Variants in ANKRD28 observed in about 807,000 individuals in gnomAD.
The protein encoded by ANKRD28 is ankyrin repeat domain 28.
In ANKRD28, 44 loss-of-function variants were observed where a neutral mutation model predicts 126.5. The observed-to-expected ratio is 0.35, with a 90% CI of 0.27 to 0.45. ANKRD28 has a LOEUF of 0.45. Among genes scored for constraint, ANKRD28 ranks in the 20% least tolerant of loss-of-function variants. ANKRD28 has a pLI of 1.00. For missense variants in ANKRD28, 1,110 were observed against 1,316.6 expected (o/e 0.84, Z 2.43); for synonymous variants, 442 against 468.5 (o/e 0.94, Z 0.73).
At chr3:15,769,889 T>C (rs973916453) in intron 2 of ANKRD28, among the ~76,000 whole-genome samples, 2 of 152,106 alleles carry the variant, frequency 1.3e-5, no homozygotes, top group Non-Finnish European at 1.5e-5. Flanking sequence ...CTAAGATTAT[T>C]TCTTAAGGGT....
intron 4 of ANKRD28, among the ~76,000 whole-genome samples, chr3:15,743,588 A>ACG (rs1559454875): frequency 6.8e-6 from 1 of 147,168 alleles, no homozygotes; most frequent in African/African-American, 2.6e-5. Flanking sequence ...ACACACACAC[A>ACG]CACACGCACA....
At chr3:15,727,430 G>C (rs1260126948) in intron 6 of ANKRD28, among the ~76,000 whole-genome samples, 1 of 151,918 alleles carries the variant, frequency 6.6e-6, no homozygotes, top group Admixed American at 6.6e-5. Context: ...AGCCAGGTGT[G>C]GTGGCGGGTG....
intron 2 of ANKRD28, among the ~76,000 whole-genome samples, chr3:15,778,868 G>C (rs768590938): frequency 6.6e-6 from 1 of 152,114 alleles, no homozygotes; most frequent in Non-Finnish European, 1.5e-5. Flanking sequence ...ATCATGGGGG[G>C]CAGTTCCCCC....
exon 1 of ANKRD28, chr3:15,859,682 C>T (rs1160030493): frequency 6.3e-6 from 1 of 158,098 alleles, no homozygotes; most frequent in African/African-American, 2.4e-5. Context: ...CTTTCTTTCT[C>T]CTTCCCTCTG....
intron 3 of ANKRD28, among the ~76,000 whole-genome samples, chr3:15,757,835 G>A (rs2125446467): frequency 6.6e-6 from 1 of 152,190 alleles, no homozygotes; most frequent in South Asian, 2.1e-4. Flanking sequence ...CTATGTTAGG[G>A]GTCTTCAAAC....
intron 1 of ANKRD28, among the ~76,000 whole-genome samples, chr3:15,822,179 G>A (rs966948512): frequency 2.6e-5 from 4 of 152,170 alleles, no homozygotes; most frequent in African/African-American, 9.7e-5. Context: ...TCAGCTCTGC[G>A]CAAGTAAAAA....
intron 8 of ANKRD28, among the ~76,000 whole-genome samples, chr3:15,718,562 T>G (rs2073340373): frequency 6.6e-6 from 1 of 152,306 alleles, no homozygotes; most frequent in African/African-American, 2.4e-5. Context: ...GTCACCTAAG[T>G]AGACACTAAC....
At chr3:15,697,969 A>G (rs183846383) in intron 14 of ANKRD28, among the ~76,000 whole-genome samples, 2 of 152,214 alleles carry the variant, frequency 1.3e-5, no homozygotes, top group Non-Finnish European at 1.5e-5. Flanking sequence ...GGGAGGGTGT[A>G]TATGTCCAAG....
Position 15,846,619 on chromosome 3 carries a change from AAAGT to A in ANKRD28, c.27+12754_27+12757del, listed in dbSNP as rs2061536920. 6.6e-6 allele frequency among the ~76,000 whole-genome samples: 1 copy of A among 152,270 alleles called. No homozygotes were observed. The highest frequency in any genetic ancestry group is 1.9e-4 in the East Asian group (1 of 5,208). On this transcript the variant is annotated intron_variant, in intron 1 of 27. Transcript: ENST00000399451. The surrounding 1 kb of genome is among the most constrained non-coding windows in gnomAD (Gnocchi z 5.4). ...AACAATCGAAAGAGCTCCACTGATT[AAAGT>A]AATAGTGGATGCTGTAATGGATAAA...
At chr3:15,680,298 G>A (rs1462145388) in intron 21 of ANKRD28, among the ~76,000 whole-genome samples, 1 of 152,046 alleles carries the variant, frequency 6.6e-6, no homozygotes, top group Non-Finnish European at 1.5e-5. Flanking sequence ...TCTGCCTCCT[G>A]GGTTCAAGTG....
chr3:15,713,609 T>C lies in ANKRD28; in HGVS notation c.1108A>G (p.Asn370Asp). The change falls in exon 10 of 28, where the codon AAT becomes GAT. Residue 370 changes from asparagine (N) to aspartate (D), a missense_variant. By Grantham distance (23) the Asn-to-Asp change is conservative (BLOSUM62 1). Transcript: ENST00000683139. ...AVIDCEDKNG[N>D]TPLHIAARYG... ...CGTGCTGCTATGTGCAAAGGGGTAT[T>C]TCCATTCTTATCCTCACAGTCGATT... 1 of 1,609,692 alleles carries C rather than the reference T, an allele frequency of 6.2e-7. No homozygotes were observed. Among genetic ancestry groups the C allele is most frequent in the Non-Finnish European group, 8.5e-7 (1 of 1,178,432 alleles).
intron 24 of ANKRD28, 45 bp downstream of exon 24, chr3:15,678,164 G>T: frequency 6.5e-7 from 1 of 1,540,150 alleles, no homozygotes; most frequent in Non-Finnish European, 8.8e-7. Context: ...ATACATAAGT[G>T]ATACACATAC....
At chr3:15,789,933 A>G (rs1204054956) in intron 2 of ANKRD28, among the ~76,000 whole-genome samples, 1 of 152,138 alleles carries the variant, frequency 6.6e-6, no homozygotes, top group Non-Finnish European at 1.5e-5. Flanking sequence ...AGGAGACATT[A>G]CAACTTACAC....
chr3:15,735,095 T>C (rs2074929058), intron 6 of ANKRD28, among the ~76,000 whole-genome samples: 1 of 152,190 alleles, frequency 6.6e-6, no homozygotes, highest in Non-Finnish European at 1.5e-5. Flanking sequence ...CCTTATATTC[T>C]CATACAAACA....
chr3:15,819,282 AAAAG>A (rs1033125168), intron 1 of ANKRD28, among the ~76,000 whole-genome samples: 5 of 152,342 alleles, frequency 3.3e-5, no homozygotes, highest in Admixed American at 1.3e-4. Flanking sequence ...TTTCTCAAAA[AAAAG>A]AAAGAAAGCA....
intron 2 of ANKRD28, among the ~76,000 whole-genome samples, chr3:15,771,576 C>T (rs2125603851): frequency 6.6e-6 from 1 of 152,186 alleles, no homozygotes; most frequent in African/African-American, 2.4e-5. Flanking sequence ...CCAGCTGTTG[C>T]ATGAAGTAGG....
At chr3:15,763,005 G>A (rs991451314) in intron 3 of ANKRD28, among the ~76,000 whole-genome samples, 2 of 152,178 alleles carry the variant, frequency 1.3e-5, no homozygotes, top group African/African-American at 4.8e-5. Context: ...CACACTATCT[G>A]TAGTGTCTCT....
intron 8 of ANKRD28, among the ~76,000 whole-genome samples, chr3:15,716,409 A>G (rs1486789797): frequency 1.3e-5 from 2 of 151,380 alleles, no homozygotes; most frequent in African/African-American, 4.9e-5. Context: ...TTCTAACAAC[A>G]GCCTCTGGAG....
intron 20 of ANKRD28, 95 bp downstream of exon 20, chr3:15,685,907 A>G: frequency 1.0e-6 from 1 of 961,726 alleles, no homozygotes; most frequent in Non-Finnish European, 1.5e-6. Flanking sequence ...TTTGACGAAC[A>G]TTTAATGAAG....
Sources: gnomAD v4.1 joint callset for allele counts (sites outside exome capture counted in the v4.1 genomes callset) on GRCh38, gnomAD v4.1.1 for gene constraint, Gnocchi (gnomAD v3.1) non-coding constraint, MANE v1.5 for transcripts, NCBI Gene and HGNC (gene_info 2026-07-23, HGNC 2026-07-21) for gene names.